EPHA6: variants seen among roughly 807,000 people sequenced by gnomAD.
EPHA6 encodes the protein ephrin type-A receptor 6.
Under a neutral mutation model 112.0 loss-of-function variants are expected in EPHA6, and 50 were observed. The ratio of observed to expected loss-of-function variants is 0.45; its 90% CI spans 0.36 to 0.56. The LOEUF (loss-of-function observed/expected upper bound fraction) is 0.56, where lower values mean the gene tolerates loss of function less well. EPHA6 is among the 20% of genes least tolerant of loss of function. The pLI is 0.00. For missense variants in EPHA6, 1,280 were observed against 1,417.4 expected, an observed-to-expected ratio of 0.90 and a Z score of 1.56; for synonymous variants, 529 against 490.7, an observed-to-expected ratio of 1.08 and a Z score of -1.03.
intron 4 of EPHA6, among the ~76,000 whole-genome samples, chr3:97,227,754 CA>C (rs112668382): frequency 0.19 from 28,147 of 151,970 alleles, 6,319 homozygotes; most frequent in African/African-American, 0.52. Flanking sequence ...GACCCATGTA[CA>C]AAAAAATGGC....
At chr3:97,467,383 A>G (rs534004273) in intron 7 of EPHA6, among the ~76,000 whole-genome samples, 23 of 151,850 alleles carry the variant, frequency 1.5e-4, no homozygotes, top group Non-Finnish European at 2.9e-4. Context: ...GTGATCCCTA[A>G]TGATTATCCA....
chr3:97,325,422 A>AT (rs975873653), intron 5 of EPHA6, among the ~76,000 whole-genome samples: 3 of 151,934 alleles, frequency 2.0e-5, no homozygotes, highest in African/African-American at 7.3e-5. Flanking sequence ...GAAATGTCTT[A>AT]TTTTTATAAG....
At chr3:96,819,577 C>T (rs1208514555) in intron 1 of EPHA6, among the ~76,000 whole-genome samples, 10 of 151,884 alleles carry the variant, frequency 6.6e-5, no homozygotes, top group Admixed American at 5.9e-4. Flanking sequence ...TTCATTGTAC[C>T]CTTGACTCAC....
chr3:97,594,171 T>A (rs2107355751), intron 12 of EPHA6, among the ~76,000 whole-genome samples: 1 of 152,332 alleles, frequency 6.6e-6, no homozygotes, highest in Non-Finnish European at 1.5e-5. Flanking sequence ...AAGTCAGATA[T>A]GTTTGGCAGA....
chr3:97,282,326 A>T (rs963993878), intron 5 of EPHA6, among the ~76,000 whole-genome samples: 7 of 152,206 alleles, frequency 4.6e-5, no homozygotes, highest in African/African-American at 1.7e-4. Context: ...AATTATTAAA[A>T]GTCGAAACAA....
At chr3:96,905,580 A>G (rs2038888409) in intron 2 of EPHA6, among the ~76,000 whole-genome samples, 1 of 152,112 alleles carries the variant, frequency 6.6e-6, no homozygotes, top group African/African-American at 2.4e-5. Flanking sequence ...TCACAATTCT[A>G]TAGCACTGGA....
At chr3:97,719,708 G>T (rs957059417) in intron 14 of EPHA6, among the ~76,000 whole-genome samples, 1 of 152,050 alleles carries the variant, frequency 6.6e-6, no homozygotes, top group Non-Finnish European at 1.5e-5. Flanking sequence ...TCCTTTCAAG[G>T]TGCGCTTATA....
intron 5 of EPHA6, among the ~76,000 whole-genome samples, chr3:97,284,836 A>C (rs2080411940): frequency 6.6e-6 from 1 of 152,326 alleles, no homozygotes; most frequent in African/African-American, 2.4e-5. Flanking sequence ...CAGTGCAATA[A>C]TTAAAATATT....
At chr3:97,461,520 A>G (rs1040173145) in intron 7 of EPHA6, among the ~76,000 whole-genome samples, 1 of 152,190 alleles carries the variant, frequency 6.6e-6, no homozygotes, top group Non-Finnish European at 1.5e-5. Flanking sequence ...TTAGAGCTCA[A>G]TAAATGATTA....
chr3:97,570,931 G>A (rs147653677), intron 11 of EPHA6, among the ~76,000 whole-genome samples: 3 of 152,250 alleles, frequency 2.0e-5, no homozygotes, highest in African/African-American at 4.8e-5. Flanking sequence ...GCACTGTAGA[G>A]TCTAGATACC....
chr3:97,681,357 G>C (rs1229056554), intron 14 of EPHA6, among the ~76,000 whole-genome samples: 1 of 152,000 alleles, frequency 6.6e-6, no homozygotes, highest in Admixed American at 6.6e-5. Context: ...AGCCAACAAG[G>C]ACTCTCTTCT....
chr3:97,332,396 A>C (rs2082845125), intron 5 of EPHA6, among the ~76,000 whole-genome samples: 1 of 151,992 alleles, frequency 6.6e-6, no homozygotes. Flanking sequence ...TAGTGTTGGA[A>C]GTTCTGGCCA....
chr3:97,269,581 C>T (rs554463514), intron 5 of EPHA6, among the ~76,000 whole-genome samples: 4 of 152,300 alleles, frequency 2.6e-5, no homozygotes, highest in African/African-American at 7.2e-5. Context: ...TGGCTACACA[C>T]GAGAACCACT....
chr3:97,177,211 T>C (rs1340759009), intron 3 of EPHA6, among the ~76,000 whole-genome samples: 2 of 151,978 alleles, frequency 1.3e-5, no homozygotes, highest in Admixed American at 6.6e-5. Flanking sequence ...TATTAATTTT[T>C]AGTTATATTA....
intron 5 of EPHA6, among the ~76,000 whole-genome samples, chr3:97,390,096 C>T (rs1451520448): frequency 6.6e-6 from 1 of 152,100 alleles, no homozygotes; most frequent in East Asian, 1.9e-4. Context: ...TGACCCATAT[C>T]CTCAGGAAGC....
chr3:97,259,207 C>A (rs139273473), intron 5 of EPHA6, among the ~76,000 whole-genome samples: 1 of 152,012 alleles, frequency 6.6e-6, no homozygotes, highest in South Asian at 2.1e-4. Flanking sequence ...ACATTAAAAA[C>A]CTCACTATAT....
chr3:97,500,267 G>A (rs2092082842), intron 10 of EPHA6, among the ~76,000 whole-genome samples: 1 of 152,016 alleles, frequency 6.6e-6, no homozygotes, highest in South Asian at 2.1e-4. Flanking sequence ...AGAAATACCT[G>A]AGACTGGATA....
At chr3:96,857,267 A>G (rs1382666081) in intron 1 of EPHA6, among the ~76,000 whole-genome samples, 2 of 152,140 alleles carry the variant, frequency 1.3e-5, no homozygotes, top group Non-Finnish European at 2.9e-5. Flanking sequence ...CAATTTGACA[A>G]TAGTACTTAA....
chr3:96,834,724 T>C (rs750623913), intron 1 of EPHA6, among the ~76,000 whole-genome samples: 1 of 152,024 alleles, frequency 6.6e-6, no homozygotes, highest in Non-Finnish European at 1.5e-5. Context: ...TCTTTAATTT[T>C]TTACTCATTC....
Sources: allele counts gnomAD v4.1 joint callset (sites outside exome capture counted in the v4.1 genomes callset), GRCh38; gene constraint gnomAD v4.1.1; transcripts MANE v1.5; gene names NCBI Gene and HGNC (gene_info 2026-07-23, HGNC 2026-07-21).